The following CEP68 variants were observed in gnomAD, a reference collection of about 807,000 sequenced individuals.
The protein encoded by CEP68 is centrosomal protein of 68 kDa.
In CEP68, 26 loss-of-function variants were observed where a neutral mutation model predicts 55.3. That is an observed-to-expected ratio of 0.47 (90% CI 0.34 to 0.65). CEP68 has a LOEUF of 0.65. Ranked by LOEUF, CEP68 falls within the 30% of genes least tolerant of loss-of-function variation. The probability of loss-of-function intolerance (pLI) is 0.01; values close to 1 mark genes in which losing one functional copy is unlikely to be tolerated. For missense variants in CEP68, 957 were observed against 946.7 expected, an observed-to-expected ratio of 1.01 and a Z score of -0.14; for synonymous variants, 402 against 383.2, an observed-to-expected ratio of 1.05 and a Z score of -0.57.
rs1336691088 is a variant in CEP68, at chr2:65,072,547, C to A, written c.1451C>A (p.Ala484Asp). The change falls in exon 3 of 7, where the codon GCC becomes GAC. Residue 484 changes from alanine to aspartate, a missense_variant. By Grantham distance (126) the Ala-to-Asp change is moderately radical. Transcript: ENST00000377990. ...EEVESDDEYL[A>D]LPARLTQVSS... ...GTGGAAAGTGATGACGAGTATCTTG[C>A]CCTCCCCGCTCGGCTGACACAGGTT... is the stretch of plus-strand genomic sequence containing the variant. The A allele has an allele frequency of 6.2e-7, 1 of 1,614,056 alleles. No individual in the cohort carries two copies.
Position 65,072,054 on chromosome 2 carries a change from G to T in CEP68, c.958G>T (p.Asp320Tyr), listed in dbSNP as rs780971112. Residue 320 changes from aspartate (D) to tyrosine (Y), a missense_variant, in exon 3 of 7, where the codon GAT (aspartate) becomes TAT (tyrosine). Transcript: ENST00000377990. ...RPGPQLPKHL[D>Y]SRVPADPVLQ... ...CGGGCCTCAGCTCCCAAAGCACCTTGATAGCCGTGTGCCAGCTGACCCTGT... is the reference window on the plus strand; with the variant it reads ...CGGGCCTCAGCTCCCAAAGCACCTTTATAGCCGTGTGCCAGCTGACCCTGT... 6.2e-7 allele frequency: 1 copy of T among 1,613,840 alleles called. No homozygotes were observed. The highest frequency in any genetic ancestry group is 8.5e-7 in the Non-Finnish European group (1 of 1,179,992).
In CEP68 at chr2:65,081,237, G is replaced by GGTTTCTTCT. The variant is rs1463706095; in HGVS notation, c.2105-1297_2105-1296insTTCTTCTGT. Among the ~76,000 whole-genome samples the GGTTTCTTCT allele has an allele frequency of 3.2e-3, 489 of 151,136 alleles. 1 individual carries two copies. The highest frequency in any genetic ancestry group is 5.8e-3 in the Non-Finnish European group (393 of 67,792). ...AAAAAAAAAAAAAAAGAAACTGGAG[G>GGTTTCTTCT]GTAGAACCCAGCCCAGCCACCCTTA... On this transcript the variant is annotated intron_variant, in intron 5 of 6. Transcript: ENST00000377990.
intron 5 of CEP68, among the ~76,000 whole-genome samples, chr2:65,080,929 A>G (rs1676980444): frequency 6.6e-6 from 1 of 151,696 alleles, no homozygotes; most frequent in African/African-American, 2.4e-5. Context: ...CAGAGGGGTT[A>G]GCCAGCTGCG....
chr2:65,073,284 C>T, intron 3 of CEP68: 1 of 427,036 alleles, frequency 2.3e-6, no homozygotes, highest in Non-Finnish European at 4.4e-6. Flanking sequence ...AGCCACTACC[C>T]TTGGCTGCTT....
At chr2:65,059,523 T>C (rs1007795543) in intron 1 of CEP68, among the ~76,000 whole-genome samples, 1 of 152,146 alleles carries the variant, frequency 6.6e-6, no homozygotes, top group Admixed American at 6.5e-5. Context: ...CTTTCAGCTG[T>C]GGTATTCTAT....
rs1310765078 is a variant in CEP68, at chr2:65,071,414, AT to A, written c.358-35del. 3.9e-6 allele frequency: 6 copies of A among 1,554,292 alleles called. No individual in the cohort carries two copies. The African/African-American group carries it at 6.8e-5, about 18-fold the overall frequency. ...TCATCTAAGAAAGAAATTGGGTTTG[AT>A]TTTTACCCAAGTGCTTTTTGTCCCT... is the stretch of plus-strand genomic sequence containing the variant. On this transcript the variant is annotated intron_variant, in intron 2 of 6. Coordinates refer to ENST00000377990, the MANE Select transcript of CEP68 (RefSeq NM_015147.3).
Position 65,072,862 on chromosome 2 carries a change from C to T in CEP68, c.1766C>T (p.Thr589Ile). 1 of 1,614,198 alleles carries T rather than the reference C, an allele frequency of 6.2e-7. No individual in the cohort carries two copies. The highest frequency in any genetic ancestry group is 1.1e-5 in the South Asian group (1 of 91,078). ...GGGGTCTCCTCTGGACTGCTGAAAA[C>T]ACGCCCCTCCTTGCCAGCTAGGTTG... The part of the protein sequence containing the change: ...ALGVSSGLLK[T>I]RPSLPARLDR... Residue 589 changes from threonine (T) to isoleucine (I), a missense_variant, in exon 3 of 7, where the codon ACA (threonine) becomes ATA (isoleucine). Transcript: ENST00000377990.
In CEP68 at chr2:65,072,122, T is replaced by C. The variant is rs1676501544; in HGVS notation, c.1026T>C (p.Ser342=). ...SGVDLDSFSV[S]PASTLKSPTN... ...TAGACCTGGATAGCTTCTCTGTCTC[T>C]CCAGCAAGCACCCTCAAATCACCTA... The change falls in exon 3 of 7, where the codon TCT becomes TCC. Residue 342 remains serine (S), a synonymous_variant. Transcript: ENST00000377990. The C allele has an allele frequency of 6.2e-7, 1 of 1,614,002 alleles. No individual in the cohort carries two copies. Among genetic ancestry groups the C allele is most frequent in the Non-Finnish European group, 8.5e-7 (1 of 1,180,000 alleles).
At position 65,072,348 on chromosome 2, in the gene CEP68, C is replaced by T. The variant is rs765212445; in HGVS notation, c.1252C>T (p.Leu418=). 63 of 1,613,950 alleles carry T rather than the reference C, an allele frequency of 3.9e-5. No individual in the cohort carries two copies. In the East Asian group the frequency reaches 9.1e-4, roughly 23 times the overall value. Residue 418 remains leucine, a synonymous_variant, in exon 3 of 7, where the codon CTG becomes TTG. Transcript: ENST00000377990. The part of the protein sequence containing the change: ...DARWERREPA[L]RGAKDRLTIG... The stretch of plus-strand genomic sequence containing the variant: ...TCGTTGGGAGCGCAGAGAGCCAGCC[C>T]TGAGGGGTGCGAAGGACCGGCTGAC...
chr2:65,068,800 C>T (rs1676319076), intron 1 of CEP68, among the ~76,000 whole-genome samples: 1 of 152,034 alleles, frequency 6.6e-6, no homozygotes, highest in Non-Finnish European at 1.5e-5. Flanking sequence ...TGCACTCCAG[C>T]CTGGGTGACA....
intron 5 of CEP68, among the ~76,000 whole-genome samples, chr2:65,078,634 C>A (rs1299997745): frequency 6.6e-6 from 1 of 152,194 alleles, no homozygotes; most frequent in Non-Finnish European, 1.5e-5. Context: ...ACCTGCCTCC[C>A]AGGTTCAAGT....
At chr2:65,078,006 C>T (rs957210463) in intron 5 of CEP68, 42 bp downstream of exon 5, 11 of 1,485,202 alleles carry the variant, frequency 7.4e-6, no homozygotes, top group Non-Finnish European at 9.4e-6. Context: ...AGCTTAATCC[C>T]TGTCAGCAGC....
At chr2:65,058,180 TC>T (rs924189455) in intron 1 of CEP68, among the ~76,000 whole-genome samples, 1 of 152,196 alleles carries the variant, frequency 6.6e-6, no homozygotes, top group African/African-American at 2.4e-5. Flanking sequence ...ACTTGACCCT[TC>T]AGGATCTCTC....
At chr2:65,063,161 T>G (rs894876010) in intron 1 of CEP68, among the ~76,000 whole-genome samples, 1 of 152,204 alleles carries the variant, frequency 6.6e-6, no homozygotes, top group African/African-American at 2.4e-5. Context: ...CACTCCTAAT[T>G]ATATCTGGTG....
Position 65,072,772 on chromosome 2 carries a change from T to C in CEP68, c.1676T>C (p.Leu559Pro). 6.2e-7 allele frequency: 1 copy of C among 1,614,100 alleles called. No individual in the cohort carries two copies. The highest frequency in any genetic ancestry group is 1.1e-5 in the South Asian group (1 of 91,074). ...CCTGAGGGCCAGAATCCCTGTTTCCTGCGCTCCTTCGTCCGTGCCCACGAC... is the reference window on the plus strand; with the variant it reads ...CCTGAGGGCCAGAATCCCTGTTTCCCGCGCTCCTTCGTCCGTGCCCACGAC... ...GDPEGQNPCF[L>P]RSFVRAHDSA... The change falls in exon 3 of 7, where the codon CTG (leucine) becomes CCG (proline). Residue 559 changes from leucine (L) to proline (P), a missense_variant. Physicochemically the swap from Leu to Pro is moderately conservative, Grantham distance 98. Transcript: ENST00000377990.
intron 1 of CEP68, among the ~76,000 whole-genome samples, chr2:65,061,167 A>G (rs187654038): frequency 9.3e-4 from 141 of 152,166 alleles, no homozygotes; most frequent in African/African-American, 3.2e-3. Flanking sequence ...GCAAGACTCC[A>G]TCTCAAATTA....
intron 3 of CEP68, chr2:65,073,861 G>A (rs2723090): frequency 0.11 from 19,155 of 178,616 alleles, 1,183 homozygotes; most frequent in Middle Eastern, 0.13. Flanking sequence ...GAGATGCCAT[G>A]AGGTAAAGTT....
At chr2:65,073,261 A>G (rs2103780436) in intron 3 of CEP68, 7 of 465,888 alleles carry the variant, frequency 1.5e-5, no homozygotes, top group South Asian at 1.4e-4. Context: ...CTATTTGCAG[A>G]GGCTGAGCTC....
chr2:65,081,717 GAC>G (rs1304822471), intron 5 of CEP68, among the ~76,000 whole-genome samples: 1 of 151,026 alleles, frequency 6.6e-6, no homozygotes, highest in African/African-American at 2.5e-5. Context: ...TTGTTTTTGA[GAC>G]AGAGTTGCAC....
Sources: allele counts gnomAD v4.1 joint callset (sites outside exome capture counted in the v4.1 genomes callset), GRCh38; gene constraint gnomAD v4.1.1; transcripts MANE v1.5; gene names NCBI Gene and HGNC (gene_info 2026-07-23, HGNC 2026-07-21).